Variants in ANO3 observed in about 807,000 individuals in gnomAD.
The protein encoded by ANO3 is anoctamin-3.
A neutral mutation model predicts 144.8 loss-of-function variants in ANO3; 99 were observed. The observed-to-expected ratio is 0.68, with a 90% confidence interval of 0.58 to 0.81. The LOEUF is 0.81. ANO3 is among the 30% of genes least tolerant of loss of function. The pLI is 0.00. For missense variants in ANO3, 905 were observed against 1,202.2 expected (o/e 0.75, Z 3.66); for synonymous variants, 414 against 392.6 (o/e 1.05, Z -0.64).
chr11:26,538,261 TAGGTAACTG>T (rs1302439013), intron 10 of ANO3, among the ~76,000 whole-genome samples: 5 of 152,300 alleles, frequency 3.3e-5, no homozygotes, highest in Non-Finnish European at 5.9e-5. Flanking sequence ...GTTTTGTATA[TAGGTAACTG>T]AGGTACAGAA....
upstream of ANO3, among the ~76,000 whole-genome samples, chr11:26,327,998 T>C (rs1854929892): frequency 6.6e-6 from 1 of 152,216 alleles, no homozygotes; most frequent in Non-Finnish European, 1.5e-5. Flanking sequence ...CTTACACAAA[T>C]CATTTTGTGT....
At chr11:26,317,930 A>T (rs1564962684) in intron 1 of ANO3, among the ~76,000 whole-genome samples, 1 of 152,202 alleles carries the variant, frequency 6.6e-6, no homozygotes, top group African/African-American at 2.4e-5. Flanking sequence ...ATGCATCCAT[A>T]AAAAAGGATG....
chr11:26,489,830 C>T (rs114256388), intron 4 of ANO3, among the ~76,000 whole-genome samples: 2,826 of 152,272 alleles, frequency 0.019, 96 homozygotes, highest in African/African-American at 0.065. Flanking sequence ...TGACCCAGTA[C>T]ATGTACCTCT....
chr11:26,281,300 G>A (rs901198878), intron 1 of ANO3, among the ~76,000 whole-genome samples: 7 of 152,056 alleles, frequency 4.6e-5, no homozygotes, highest in African/African-American at 1.7e-4. Flanking sequence ...ATGAATGACT[G>A]AATGAATGAA....
At chr11:26,404,959 G>A (rs12273197) in intron 1 of ANO3, among the ~76,000 whole-genome samples, 6 of 150,614 alleles carry the variant, frequency 4.0e-5, no homozygotes, top group Non-Finnish European at 8.9e-5. Flanking sequence ...GTGTGTGTGT[G>A]TGTGTGTGTG....
chr11:26,312,563 T>C lies in ANO3; in HGVS notation c.-3+2844T>C, dbSNP rs145252823. Among the ~76,000 whole-genome samples, 1,273 of 152,352 alleles carry C rather than the reference T, an allele frequency of 8.4e-3. 7 individuals are homozygous for C. The highest frequency in any genetic ancestry group is 0.017 in the South Asian group (84 of 4,830). On this transcript the variant is annotated intron_variant, in intron 1 of 26. Transcript: ENST00000525139. ...TAACTGGTGTGAGATGGTATCTCATTATGGTTTTGATTTGCATTTCTCTGA... is the reference window on the plus strand; with the variant it reads ...TAACTGGTGTGAGATGGTATCTCATCATGGTTTTGATTTGCATTTCTCTGA...
intron 1 of ANO3, among the ~76,000 whole-genome samples, chr11:26,204,116 TC>T (rs917524540): frequency 5.9e-5 from 9 of 152,154 alleles, no homozygotes; most frequent in African/African-American, 1.4e-4. Flanking sequence ...CTGGAGACTT[TC>T]CCTGATCAAA....
At chr11:26,454,327 T>C (rs1427747112) in intron 3 of ANO3, among the ~76,000 whole-genome samples, 3 of 151,910 alleles carry the variant, frequency 2.0e-5, no homozygotes, top group Non-Finnish European at 4.4e-5. Flanking sequence ...GATAGACCAC[T>C]AGCAAGACTA....
chr11:26,298,353 C>G (rs1349940362), intron 1 of ANO3, among the ~76,000 whole-genome samples: 1 of 152,088 alleles, frequency 6.6e-6, no homozygotes, highest in Non-Finnish European at 1.5e-5. Context: ...ATTGCTGAAC[C>G]AATTTTTCCT....
intron 4 of ANO3, among the ~76,000 whole-genome samples, chr11:26,468,714 A>G (rs1031051103): frequency 1.3e-5 from 2 of 151,930 alleles, no homozygotes; most frequent in Admixed American, 1.3e-4. Context: ...GCTACTTCCT[A>G]TTTTTGTCCA....
At chr11:26,537,608 T>G (rs913457179) in intron 10 of ANO3, 147 bp downstream of exon 10, 1 of 722,548 alleles carries the variant, frequency 1.4e-6, no homozygotes, top group Non-Finnish European at 2.5e-6. Context: ...CCATTGTAAT[T>G]TTGTGGCTGT....
intron 24 of ANO3, among the ~76,000 whole-genome samples, chr11:26,649,173 A>T (rs1260399348): frequency 6.6e-6 from 1 of 152,192 alleles, no homozygotes; most frequent in Admixed American, 6.5e-5. Flanking sequence ...CCCTAGCAAA[A>T]ACAAAACGAG....
intron 4 of ANO3, among the ~76,000 whole-genome samples, chr11:26,487,562 A>AT (rs1319152294): frequency 3.2e-4 from 48 of 152,186 alleles, no homozygotes; most frequent in African/African-American, 1.1e-3. Context: ...TGGAGGGCTC[A>AT]TAAGAGGACA....
At chr11:26,195,253 T>G (rs1590186920) in intron 1 of ANO3, among the ~76,000 whole-genome samples, 1 of 152,220 alleles carries the variant, frequency 6.6e-6, no homozygotes, top group East Asian at 1.9e-4. Context: ...AGTGTGGCTG[T>G]GTTAGCTTTA....
chr11:26,332,037 C>T, upstream of ANO3: 5 of 1,269,806 alleles, frequency 3.9e-6, no homozygotes, highest in Non-Finnish European at 5.2e-6. Flanking sequence ...GCGGGGGATG[C>T]GGGGTTGTTC....
intron 1 of ANO3, among the ~76,000 whole-genome samples, chr11:26,313,282 G>T (rs893999140): frequency 1.3e-5 from 2 of 152,198 alleles, no homozygotes; most frequent in Non-Finnish European, 2.9e-5. Context: ...CAAAGTGTGA[G>T]AGTACATGAA....
At chr11:26,335,256 G>A (rs1197281968) in intron 1 of ANO3, among the ~76,000 whole-genome samples, 4 of 152,158 alleles carry the variant, frequency 2.6e-5, no homozygotes, top group Non-Finnish European at 5.9e-5. Context: ...GTTATAAGGT[G>A]TTTAGCAGTT....
chr11:26,217,412 G>T (rs1852055838), intron 1 of ANO3, among the ~76,000 whole-genome samples: 1 of 147,858 alleles, frequency 6.8e-6, no homozygotes, highest in Non-Finnish European at 1.5e-5. Flanking sequence ...CGTGTGTCTT[G>T]GCAACTGGTT....
intron 3 of ANO3, among the ~76,000 whole-genome samples, chr11:26,445,554 A>C (rs1242828892): frequency 6.6e-6 from 1 of 151,942 alleles, no homozygotes; most frequent in Non-Finnish European, 1.5e-5. Context: ...CTGTGTTTAT[A>C]TCTCTCCAGG....
Sources: allele counts gnomAD v4.1 joint callset (sites outside exome capture counted in the v4.1 genomes callset), GRCh38; gene constraint gnomAD v4.1.1; transcripts MANE v1.5; gene names NCBI Gene and HGNC (gene_info 2026-07-23, HGNC 2026-07-21).